BBS7: variants seen among roughly 807,000 people sequenced by gnomAD.
BBS7 encodes Bardet-Biedl syndrome 7.
A neutral mutation model predicts 90.3 loss-of-function variants in BBS7; 50 were observed. That is an observed-to-expected ratio of 0.55 (90% CI 0.44 to 0.70). BBS7 has a LOEUF of 0.70. Ranked by LOEUF, BBS7 falls within the 30% of genes least tolerant of loss-of-function variation. BBS7 has a pLI of 0.00. For synonymous variants in BBS7, 235 were observed against 287.4 expected (o/e 0.82, Z 1.85); for missense variants, 729 against 838.9 (o/e 0.87, Z 1.62).
rs767905893 is a variant in BBS7 at position 121,853,059 on chromosome 4, A to T, written c.746T>A (p.Ile249Asn). 6.2e-7 allele frequency: 1 copy of T among 1,613,650 alleles called. No homozygotes were observed. Among genetic ancestry groups the T allele is most frequent in the South Asian group, 1.1e-5 (1 of 91,048 alleles). ...TAAATCTTTAACCCCATCACCCACA[A>T]TGTCAAAGCTGTCAATACACAAAAT... ...GGILCIDSFD[I>N]VGDGVKDLLV... The change falls in exon 8 of 19, where the codon ATT (isoleucine) becomes AAT (asparagine). Residue 249 changes from isoleucine to asparagine, a missense_variant. By Grantham distance (149) the Ile-to-Asn change is moderately radical. Transcript: ENST00000264499.
intron 4 of BBS7, 32 bp from the exon 5 acceptor site, chr4:121,859,210 T>C (rs1483571504): frequency 1.3e-6 from 2 of 1,588,698 alleles, no homozygotes; most frequent in South Asian, 1.1e-5. Context: ...TTTTTAAAAA[T>C]AAGCACAGGT....
intron 4 of BBS7, 64 bp downstream of exon 4, chr4:121,861,440 C>T (rs1560666199): frequency 1.4e-6 from 2 of 1,474,856 alleles, no homozygotes; most frequent in Admixed American, 1.8e-5. Flanking sequence ...ACTTAGTTGC[C>T]TCACATCTAT....
At chr4:121,858,908 C>G in intron 5 of BBS7, 84 bp downstream of exon 5, 1 of 1,308,122 alleles carries the variant, frequency 7.6e-7, no homozygotes, top group South Asian at 1.3e-5. Flanking sequence ...AAAACAGTAA[C>G]CACTAATTTA....
At chr4:121,849,057 C>A in intron 8 of BBS7, 129 bp from the exon 9 acceptor site, 2 of 656,358 alleles carry the variant, frequency 3.0e-6, no homozygotes. Context: ...TATGTGCAGA[C>A]ACTCAGATTA....
At chr4:121,839,224 T>C (rs1364108473) in intron 13 of BBS7, among the ~76,000 whole-genome samples, 4 of 152,130 alleles carry the variant, frequency 2.6e-5, no homozygotes, top group East Asian at 1.9e-4. Context: ...TGAAACTTTC[T>C]ATAATAGAAA....
chr4:121,845,038 T>C (rs1305658716), intron 11 of BBS7, among the ~76,000 whole-genome samples: 1 of 152,106 alleles, frequency 6.6e-6, no homozygotes, highest in Non-Finnish European at 1.5e-5. Flanking sequence ...GCAAACCAAT[T>C]ATCTAAAGGA....
At chr4:121,851,944 A>G (rs1726343821) in intron 8 of BBS7, among the ~76,000 whole-genome samples, 1 of 152,236 alleles carries the variant, frequency 6.6e-6, no homozygotes, top group Admixed American at 6.5e-5. Context: ...GTTTGGAATA[A>G]AAGTCAAAGA....
intron 1 of BBS7, 49 bp downstream of exon 1, chr4:121,870,229 G>A (rs201338690): frequency 6.2e-7 from 1 of 1,610,162 alleles, no homozygotes; most frequent in East Asian, 2.2e-5. Flanking sequence ...AATCCTCTCC[G>A]GGTGCTGGGC....
chr4:121,861,017 C>G (rs1180182205), intron 4 of BBS7, among the ~76,000 whole-genome samples: 1 of 152,098 alleles, frequency 6.6e-6, no homozygotes, highest in African/African-American at 2.4e-5. Flanking sequence ...TTTTCAGCTC[C>G]CTGTGATTCA....
At chr4:121,851,373 G>A (rs1456365693) in intron 8 of BBS7, among the ~76,000 whole-genome samples, 4 of 120,004 alleles carry the variant, frequency 3.3e-5, no homozygotes, top group African/African-American at 8.6e-5. Flanking sequence ...GTTCTGCAAG[G>A]AGCAGGAAAA....
rs140083669 is a variant in BBS7 at position 121,869,661 on chromosome 4, C to T, written c.36+617G>A. ...TCAAGCGATTCTCCTGCCTTAACCT[C>T]CCGAGTACCTGGGATTACAGGCGCC... On this transcript the variant is annotated intron_variant, in intron 1 of 18. Coordinates refer to ENST00000264499, the MANE Select transcript of BBS7 (RefSeq NM_176824.3). Among the ~76,000 whole-genome samples, 167 of 152,294 alleles carry T rather than the reference C, an allele frequency of 1.1e-3. 1 individual carries two copies. Among genetic ancestry groups the T allele is most frequent in the African/African-American group, 3.8e-3 (159 of 41,570 alleles).
At chr4:121,867,912 A>C (rs184010536) in intron 2 of BBS7, 69 bp downstream of exon 2, 3 of 1,289,644 alleles carry the variant, frequency 2.3e-6, no homozygotes, top group Admixed American at 3.4e-5. Flanking sequence ...TTAATAATAA[A>C]GAAGGAAATA....
rs775906320 is a variant in BBS7 at position 121,861,653 on chromosome 4, C to A, written c.192G>T (p.Pro64=). The part of the protein sequence containing the change: ...AAAVFKTLPG[P]KIARLELGGV... ...CTCCCAGTTCCAGCCTTGCAATCTT[C>A]GGCCCGGGTAAAGTCTTGAACACTG... Residue 64 remains proline, a synonymous_variant, in exon 4 of 19, where the codon CCG becomes CCT. Coordinates refer to ENST00000264499, the MANE Select transcript of BBS7 (RefSeq NM_176824.3). 1 of 1,613,414 alleles carries A rather than the reference C, an allele frequency of 6.2e-7. No individual in the cohort carries two copies. The highest frequency in any genetic ancestry group is 8.5e-7 in the Non-Finnish European group (1 of 1,179,740).
intron 9 of BBS7, 41 bp from the exon 10 acceptor site, chr4:121,847,547 T>C (rs777317506): frequency 1.5e-6 from 2 of 1,374,150 alleles, no homozygotes; most frequent in Non-Finnish European, 2.1e-6. Flanking sequence ...TTAGTACTGC[T>C]AGTGTTAAAA....
intron 15 of BBS7, among the ~76,000 whole-genome samples, chr4:121,829,921 G>C (rs1725100223): frequency 6.6e-6 from 1 of 152,114 alleles, no homozygotes; most frequent in Non-Finnish European, 1.5e-5. Flanking sequence ...GCAGATTACT[G>C]CTAGACTTTT....
At chr4:121,833,983 C>G (rs1391102768) in intron 14 of BBS7, among the ~76,000 whole-genome samples, 1 of 152,024 alleles carries the variant, frequency 6.6e-6, no homozygotes, top group African/African-American at 2.4e-5. Context: ...TGGGTTGTTC[C>G]ATTATTTACT....
At chr4:121,830,435 A>G (rs1725126625) in intron 15 of BBS7, among the ~76,000 whole-genome samples, 1 of 152,096 alleles carries the variant, frequency 6.6e-6, no homozygotes, top group African/African-American at 2.4e-5. Context: ...TTTTTTTTCT[A>G]GAAAGATAAA....
chr4:121,826,135 T>C, intron 18 of BBS7, 142 bp from the exon 19 acceptor site: 1 of 711,156 alleles, frequency 1.4e-6, no homozygotes, highest in Non-Finnish European at 2.3e-6. Flanking sequence ...AAAGCCATGT[T>C]TTTAAAAATA....
rs550486272 is a variant in BBS7, at chr4:121,839,220, T to A, written c.1371+411A>T. On this transcript the variant is annotated intron_variant, in intron 13 of 18. Coordinates refer to ENST00000264499, the MANE Select transcript of BBS7 (RefSeq NM_176824.3). Reference sequence around the variant, plus strand: ...AATTACTTTTATAAATGTTTGAAACTTTCTATAATAGAAAATTTGAAAAAA... The same window carrying A: ...AATTACTTTTATAAATGTTTGAAACATTCTATAATAGAAAATTTGAAAAAA... 2.8e-3 allele frequency among the ~76,000 whole-genome samples: 421 copies of A among 152,248 alleles called. 1 individual carries two copies. Among genetic ancestry groups the A allele is most frequent in the African/African-American group, 9.3e-3 (385 of 41,550 alleles).
Sources: gnomAD v4.1 joint callset for allele counts (sites outside exome capture counted in the v4.1 genomes callset) on GRCh38, gnomAD v4.1.1 for gene constraint, MANE v1.5 for transcripts, NCBI Gene and HGNC (gene_info 2026-07-23, HGNC 2026-07-21) for gene names.